Variants in CTSC observed in about 807,000 individuals in gnomAD.
CTSC encodes dipeptidyl peptidase 1.
CTSC carries 37 observed loss-of-function variants against 40.9 expected under a neutral mutation model. That is an observed-to-expected ratio of 0.91 (90% confidence interval 0.70 to 1.19). The LOEUF (loss-of-function observed/expected upper bound fraction) is 1.19. Ranked by LOEUF, CTSC falls within the 50% of genes most tolerant of loss-of-function variation. The pLI, the probability that CTSC is intolerant of heterozygous loss-of-function variation, is 0.00. For synonymous variants in CTSC, 232 were observed against 207.4 expected (o/e 1.12, Z -1.02); for missense variants, 594 against 567.3 (o/e 1.05, Z -0.48).
At position 88,337,674 on chromosome 11, in the gene CTSC, C is replaced by T; in HGVS notation, c.-2G>A. On this transcript the variant is annotated 5_prime_UTR_variant, in exon 1 of 7. Coordinates refer to ENST00000227266, the MANE Select transcript of CTSC (RefSeq NM_001814.6). Reference sequence around the variant, plus strand: ...CAGCAAGGAGGGCCCAGCACCCATGCTGCAGGGAGCTGAGAAAAGAGGTGA... The same window carrying T: ...CAGCAAGGAGGGCCCAGCACCCATGTTGCAGGGAGCTGAGAAAAGAGGTGA... 1 of 1,569,830 alleles carries T rather than the reference C, an allele frequency of 6.4e-7. No individual in the cohort carries two copies. The highest frequency in any genetic ancestry group is 8.6e-7 in the Non-Finnish European group (1 of 1,157,052).
rs1937699490 is a variant in CTSC, at chr11:88,309,322, T to A, written c.486-4A>T. 1 of 1,610,956 alleles carries A rather than the reference T, an allele frequency of 6.2e-7. No individual in the cohort carries two copies. The highest frequency in any genetic ancestry group is 8.5e-7 in the Non-Finnish European group (1 of 1,177,384). On this transcript the variant is annotated splice_polypyrimidine_tract_variant and splice_region_variant and intron_variant, in intron 3 of 6. Transcript: ENST00000227266. ...CTTGTAGAGCCTATTAGAATACCTG[T>A]CCCCAAAAATGAGATAATTTCAGAT...
At chr11:88,326,977 A>C (rs1408773516) in intron 2 of CTSC, among the ~76,000 whole-genome samples, 1 of 152,232 alleles carries the variant, frequency 6.6e-6, no homozygotes, top group African/African-American at 2.4e-5. Flanking sequence ...CGTGGAAAAA[A>C]AAAATAGTGA....
At chr11:88,317,034 T>G (rs975128495) in intron 2 of CTSC, among the ~76,000 whole-genome samples, 1 of 152,102 alleles carries the variant, frequency 6.6e-6, no homozygotes, top group African/African-American at 2.4e-5. Flanking sequence ...TGGCGCGATC[T>G]CAGCTCACTG....
intron 6 of CTSC, 98 bp from the exon 7 acceptor site, chr11:88,294,606 C>T (rs920064018): frequency 1.5e-6 from 2 of 1,375,296 alleles, no homozygotes; most frequent in African/African-American, 2.9e-5. Flanking sequence ...TGCATGTTAC[C>T]CCTGAAAGTT....
intron 5 of CTSC, chr11:88,299,137 A>G (rs1944330292): frequency 6.6e-6 from 1 of 152,188 alleles, no homozygotes; most frequent in Non-Finnish European, 1.5e-5. Context: ...CAGAAGCAAC[A>G]CTATAGTATC....
At chr11:88,307,908 T>G (rs149423449) in intron 4 of CTSC, among the ~76,000 whole-genome samples, 3 of 152,016 alleles carry the variant, frequency 2.0e-5, no homozygotes, top group African/African-American at 7.3e-5. Flanking sequence ...GAAATTGCAA[T>G]AGAAAATGAG....
chr11:88,317,035 C>T, intron 2 of CTSC, among the ~76,000 whole-genome samples: 1 of 151,868 alleles, frequency 6.6e-6, no homozygotes, highest in East Asian at 1.9e-4. Flanking sequence ...GGCGCGATCT[C>T]AGCTCACTGC....
intron 4 of CTSC, among the ~76,000 whole-genome samples, chr11:88,300,883 T>A (rs1944352738): frequency 6.6e-6 from 1 of 152,110 alleles, no homozygotes; most frequent in African/African-American, 2.4e-5. Context: ...CTTTGTGAAA[T>A]GACACTGGTT....
Position 88,300,581 on chromosome 11 carries a change from C to T in CTSC, c.706G>A (p.Asp236Asn). The T allele has an allele frequency of 6.2e-7, 1 of 1,613,918 alleles. No homozygotes were observed. Among genetic ancestry groups the T allele is most frequent in the Non-Finnish European group, 8.5e-7 (1 of 1,179,832 alleles). Residue 236 changes from aspartate to asparagine, a missense_variant, in exon 5 of 7, where the codon GAC (aspartate) becomes AAC (asparagine). By Grantham distance (23) the Asp-to-Asn change is conservative. Transcript: ENST00000227266. ...QKILHLPTSW[D>N]WRNVHGINFV... Reference sequence around the variant, plus strand: ...TTGATACCATGAACATTTCTCCAGTCCCAAGATGTTGGCAAATGCAAAATC... The same window carrying T: ...TTGATACCATGAACATTTCTCCAGTTCCAAGATGTTGGCAAATGCAAAATC...
chr11:88,294,299 G>T lies in CTSC; in HGVS notation c.1099C>A (p.His367Asn), dbSNP rs1197569506. 6.2e-7 allele frequency: 1 copy of T among 1,614,102 alleles called. No individual in the cohort carries two copies. Among genetic ancestry groups the T allele is most frequent in the East Asian group, 2.2e-5 (1 of 44,880 alleles). ...TCAAAAGCAACTGCCATGGGCCCAT[G>T]ATGGACCAACTCAAGCTTCATCAGG... ...EALMKLELVH[H>N]GPMAVAFEVY... is the part of the protein sequence containing the mutation. Residue 367 changes from histidine to asparagine, a missense_variant, in exon 7 of 7, where the codon CAT becomes AAT. Coordinates refer to ENST00000227266, the MANE Select transcript of CTSC (RefSeq NM_001814.6).
At chr11:88,303,262 T>G (rs1944388914) in intron 4 of CTSC, among the ~76,000 whole-genome samples, 1 of 152,146 alleles carries the variant, frequency 6.6e-6, no homozygotes, top group African/African-American at 2.4e-5. Flanking sequence ...ACTAGCTGGG[T>G]GTCCTCCAAT....
intron 2 of CTSC, among the ~76,000 whole-genome samples, chr11:88,320,347 G>T (rs544347982): frequency 6.6e-6 from 1 of 152,292 alleles, no homozygotes; most frequent in East Asian, 1.9e-4. Context: ...TTACTGCACA[G>T]CAAAGTAGTC....
chr11:88,318,307 C>G (rs1937923236), intron 2 of CTSC, among the ~76,000 whole-genome samples: 1 of 152,164 alleles, frequency 6.6e-6, no homozygotes, highest in Admixed American at 6.5e-5. Context: ...ACTAGTGAGC[C>G]TCAGTTACTT....
Position 88,310,627 on chromosome 11 carries a change from G to C in CTSC, c.486-1309C>G, listed in dbSNP as rs565465581. 3.3e-4 allele frequency among the ~76,000 whole-genome samples: 50 copies of C among 152,222 alleles called. 1 individual carries two copies. The highest frequency in any genetic ancestry group is 4.4e-5 in the Non-Finnish European group (3 of 68,014). On this transcript the variant is annotated intron_variant, in intron 3 of 6. Coordinates refer to ENST00000227266, the MANE Select transcript of CTSC (RefSeq NM_001814.6). ...AAATAATCAGAAAAACGTGCAACCA[G>C]GTTGATAATGTTTTAATGTTTTTGT...
At chr11:88,321,329 TA>T (rs1938007435) in intron 2 of CTSC, 1 of 152,164 alleles carries the variant, frequency 6.6e-6, no homozygotes, top group Non-Finnish European at 1.5e-5. Context: ...GAGCAGGATA[TA>T]AAGAACTTCC....
In CTSC at chr11:88,312,415, A is replaced by G. The variant is rs217086; in HGVS notation, c.458T>C (p.Ile153Thr). 0.86 allele frequency: 1,387,295 copies of G among 1,613,912 alleles called. 597,758 individuals carry two copies. The highest frequency in any genetic ancestry group is 1 in the East Asian group (44,853 of 44,874). Residue 153 changes from isoleucine to threonine, a missense_variant, in exon 3 of 7, where the codon ATA (isoleucine) becomes ACA (threonine). Physicochemically the swap from Ile to Thr is moderately conservative, Grantham distance 89. Coordinates refer to ENST00000227266, the MANE Select transcript of CTSC (RefSeq NM_001814.6). ...GTASENVYVN[I>T]AHLKNSQEKY... ...TTCCTGAGAATTCTTAAGGTGTGCT[A>G]TGTTGACATACACATTCTCAGAGGC...
In CTSC at chr11:88,294,420, G is replaced by T. The variant is rs1360293389; in HGVS notation, c.978C>A (p.Gly326=). 2 of 1,614,118 alleles carry T rather than the reference G, an allele frequency of 1.2e-6. No individual in the cohort carries two copies. Among genetic ancestry groups the T allele is most frequent in the Non-Finnish European group, 1.7e-6 (2 of 1,179,998 alleles). ...LVEEACFPYT[G]TDSPCKMKED... ...CCTTCATTTTGCATGGAGAATCAGT[G>T]CCTGTGTAGGGGAAGCAAGCTTCTT... Residue 326 remains glycine, a synonymous_variant, in exon 7 of 7, where the codon GGC becomes GGA. Transcript: ENST00000227266.
At chr11:88,328,082 G>C in intron 2 of CTSC, 1 of 1,505,890 alleles carries the variant, frequency 6.6e-7, no homozygotes, top group Non-Finnish European at 9.2e-7. Context: ...CTTTTAATAA[G>C]AAAGTTAGAA....
intron 2 of CTSC, among the ~76,000 whole-genome samples, chr11:88,314,825 G>A (rs1465875483): frequency 6.6e-6 from 1 of 152,138 alleles, no homozygotes; most frequent in African/African-American, 2.4e-5. Flanking sequence ...ACTGTACCCA[G>A]CTGGTTGTTC....
Sources: gnomAD v4.1 joint callset for allele counts (sites outside exome capture counted in the v4.1 genomes callset) on GRCh38, gnomAD v4.1.1 for gene constraint, MANE v1.5 for transcripts, NCBI Gene and HGNC (gene_info 2026-07-23, HGNC 2026-07-21) for gene names.